The following STX11 variants were observed in gnomAD, a reference collection of about 807,000 sequenced individuals.
STX11 encodes syntaxin 11.
Under a neutral mutation model 19.9 loss-of-function variants are expected in STX11, and 21 were observed. That is an observed-to-expected ratio of 1.06 (90% CI 0.75 to 1.52). The LOEUF is 1.52. Ranked by LOEUF, STX11 falls within the 40% of genes most tolerant of loss-of-function variation. STX11 has a pLI of 0.00. For missense variants in STX11, 438 were observed against 405.9 expected (o/e 1.08, Z -0.68); for synonymous variants, 193 against 174.4 (o/e 1.11, Z -0.84).
the STX11 span, among the ~76,000 whole-genome samples, chr6:144,145,448 C>A: frequency 6.6e-6 from 1 of 152,206 alleles, no homozygotes. Flanking sequence ...GAGATTTTTG[C>A]ATGTCCCTGT....
Position 144,191,082 on chromosome 6 carries a change from C to T in STX11, c.*3591C>T, listed in dbSNP as rs568384074. On this transcript the variant is annotated 3_prime_UTR_variant, in exon 2 of 2. Transcript: ENST00000367568. ...TCTTTTAGGGTACAAAATGAAAGAA[C>T]AAATCACAAAGAACAATAGATCCTT... Among the ~76,000 whole-genome samples the T allele has an allele frequency of 2.0e-5, 3 of 151,796 alleles. No homozygotes were observed. Among genetic ancestry groups the T allele is most frequent in the South Asian group, 2.1e-4 (1 of 4,796 alleles).
chr6:144,185,467 C>T (rs1446674038), intron 1 of STX11, among the ~76,000 whole-genome samples: 1 of 152,162 alleles, frequency 6.6e-6, no homozygotes, highest in East Asian at 1.9e-4. Context: ...ATACATGCTA[C>T]TAAAAATGAA....
At position 144,174,277 on chromosome 6, in the gene STX11, C is replaced by T. The variant is rs1801718344; in HGVS notation, c.-5-12346C>T. On this transcript the variant is annotated intron_variant, in intron 1 of 1. Transcript: ENST00000367568. This position sits in a 1 kb window ranked among gnomAD's most constrained non-coding sequence, Gnocchi z 5.3. ...CTCAATGGTCAAAGCAAATCTCAGT[C>T]TCATAGCCACCCTCAGACTCAAGGA... 6.6e-6 allele frequency among the ~76,000 whole-genome samples: 1 copy of T among 152,190 alleles called. No homozygotes were observed. The highest frequency in any genetic ancestry group is 2.4e-5 in the African/African-American group (1 of 41,438).
intron 1 of STX11, among the ~76,000 whole-genome samples, chr6:144,179,966 A>C (rs984749440): frequency 7.2e-5 from 11 of 152,196 alleles, no homozygotes; most frequent in African/African-American, 2.7e-4. Context: ...CTTCTGAAAT[A>C]GCCGAATTCC....
Position 144,190,182 on chromosome 6 carries a change from T to C in STX11, c.*2691T>C, listed in dbSNP as rs1802180194. Among the ~76,000 whole-genome samples, 1 of 152,224 alleles carries C rather than the reference T, an allele frequency of 6.6e-6. No homozygotes were observed. The highest frequency in any genetic ancestry group is 1.5e-5 in the Non-Finnish European group (1 of 68,032). ...CTGCTGTTTGGGAACCATCTCAGTG[T>C]GGCGTAATGGTTAGGAGTACAGATT... On this transcript the variant is annotated 3_prime_UTR_variant, in exon 2 of 2. Transcript: ENST00000367568.
At position 144,167,092 on chromosome 6, in the gene STX11, T is replaced by G. The variant is rs1268841317; in HGVS notation, c.-6+16389T>G. On this transcript the variant is annotated intron_variant, in intron 1 of 1. Transcript: ENST00000367568. The surrounding 1 kb of genome is among the most constrained non-coding windows in gnomAD (Gnocchi z 5.0). ...TAACAGGATTGGTTCTTCTGAACAC[T>G]GTCTCTTAAGTGTTGGCAACCTTCT... Among the ~76,000 whole-genome samples, 1 of 152,200 alleles carries G rather than the reference T, an allele frequency of 6.6e-6. No individual in the cohort carries two copies. The highest frequency in any genetic ancestry group is 2.4e-5 in the African/African-American group (1 of 41,456).
chr6:144,146,554 C>A (rs924220638), upstream of STX11, among the ~76,000 whole-genome samples: 1 of 152,146 alleles, frequency 6.6e-6, no homozygotes, highest in Non-Finnish European at 1.5e-5. This position sits in a 1 kb window ranked among gnomAD's most constrained non-coding sequence, Gnocchi z 4.4. Context: ...TCAAGTGACT[C>A]GCCCGCCTCG....
chr6:144,143,456 T>C, the STX11 span, among the ~76,000 whole-genome samples: 2 of 152,136 alleles, frequency 1.3e-5, no homozygotes, highest in Non-Finnish European at 2.9e-5. Flanking sequence ...AGGGGAGCTG[T>C]AATGGAACCT....
chr6:144,187,120 C>A lies in STX11; in HGVS notation c.493C>A (p.Leu165Met). 6.2e-7 allele frequency: 1 copy of A among 1,613,986 alleles called. No homozygotes were observed. The highest frequency in any genetic ancestry group is 2.2e-5 in the East Asian group (1 of 44,884). Reference sequence around the variant, plus strand: ...CTGCAAGATCCGCATCCAGCGCCAGCTGGAGATCATGGGCAAGGAAGTCTC... The same window carrying A: ...CTGCAAGATCCGCATCCAGCGCCAGATGGAGATCATGGGCAAGGAAGTCTC... ...DNCKIRIQRQ[L>M]EIMGKEVSGD... The change falls in exon 2 of 2, where the codon CTG becomes ATG. Residue 165 changes from leucine to methionine, a missense_variant. Leu to Met is a conservative substitution (Grantham distance 15). Coordinates refer to ENST00000367568, the MANE Select transcript of STX11 (RefSeq NM_003764.4). This position sits in a 1 kb window ranked among gnomAD's most constrained non-coding sequence, Gnocchi z 5.6.
rs2128745494 is a variant in STX11, at chr6:144,150,637, G to A, written c.-72G>A. The A allele has an allele frequency of 1.0e-6, 1 of 985,424 alleles. No homozygotes were observed. The highest frequency in any genetic ancestry group is 4.7e-5 in the South Asian group (1 of 21,282). The allele number at this position is 985,424 out of a possible 1,614,324, so 61.0% of individuals were successfully genotyped here. A position where few individuals can be genotyped will look rare whatever the true frequency, so the allele number is the denominator to read the frequency against. ...AACAGGTTTCCTTCTCCATCGCTGC[G>A]CCCACAGGGGACGCGCGCCCTGCCG... On this transcript the variant is annotated 5_prime_UTR_variant, in exon 1 of 2. Transcript: ENST00000367568.
Position 144,151,274 on chromosome 6 carries a change from A to C in STX11, c.-6+571A>C. ...AGTAGTGGCAATGCCTGCGAGAGCC[A>C]CGCCGTCCTGAGAGGGAATTCTGCC... is the stretch of plus-strand genomic sequence containing the variant. On this transcript the variant is annotated intron_variant, in intron 1 of 1. Coordinates refer to ENST00000367568, the MANE Select transcript of STX11 (RefSeq NM_003764.4). This position sits in a 1 kb window ranked among gnomAD's most constrained non-coding sequence, Gnocchi z 4.6. The C allele has an allele frequency of 1.0e-6, 1 of 985,428 alleles. No homozygotes were observed. The highest frequency in any genetic ancestry group is 1.2e-6 in the Non-Finnish European group (1 of 829,918). 61.0% of individuals were successfully genotyped at this position (985,428 alleles called of 1,614,324 possible). A position where few individuals can be genotyped will look rare whatever the true frequency, so the allele number is the denominator to read the frequency against.
At chr6:144,144,912 G>A in the STX11 span, among the ~76,000 whole-genome samples, 1 of 152,216 alleles carries the variant, frequency 6.6e-6, no homozygotes, top group African/African-American at 2.4e-5. Context: ...TGGCAAGGAG[G>A]TGGAGACACT....
intron 1 of STX11, among the ~76,000 whole-genome samples, chr6:144,156,011 T>C (rs1350911705): frequency 0.014 from 1,583 of 113,848 alleles, 100 homozygotes; most frequent in African/African-American, 0.063. Flanking sequence ...TCTTTCTTTC[T>C]TTCTCTCTTT....
intron 1 of STX11, among the ~76,000 whole-genome samples, chr6:144,158,393 A>G (rs7756004): frequency 0.31 from 47,433 of 152,040 alleles, 7,983 homozygotes; most frequent in Non-Finnish European, 0.38. Context: ...GCCTTATACT[A>G]TCTTAGATAG....
Position 144,155,766 on chromosome 6 carries a change from A to G in STX11, c.-6+5063A>G, listed in dbSNP as rs1160702273. Among the ~76,000 whole-genome samples the G allele has an allele frequency of 1.3e-5, 2 of 152,138 alleles. No homozygotes were observed. Among genetic ancestry groups the G allele is most frequent in the Admixed American group, 6.5e-5 (1 of 15,284 alleles). On this transcript the variant is annotated intron_variant, in intron 1 of 1. Transcript: ENST00000367568. The surrounding 1 kb of genome is among the most constrained non-coding windows in gnomAD (Gnocchi z 4.5). ...AATAATGAAACCATCTGTCAGAGTA[A>G]GTCATTTCTTGGCCACTCCTTCTGA...
At chr6:144,149,690 G>A (rs1800943164), upstream of STX11, among the ~76,000 whole-genome samples, 1 of 152,140 alleles carries the variant, frequency 6.6e-6, no homozygotes, top group South Asian at 2.1e-4. This position sits in a 1 kb window ranked among gnomAD's most constrained non-coding sequence, Gnocchi z 5.1. Flanking sequence ...CGCTCAGGCT[G>A]GTCTCAAACT....
Position 144,187,086 on chromosome 6 carries a change from G to A in STX11, c.459G>A (p.Gln153=). ...ACTACAACCAGGCCGAGATGAAGCA[G>A]CGCGACAACTGCAAGATCCGCATCC... ...MHDYNQAEMK[Q]RDNCKIRIQR... The change falls in exon 2 of 2, where the codon CAG becomes CAA. Residue 153 remains glutamine (Q), a synonymous_variant. Transcript: ENST00000367568. This position sits in a 1 kb window ranked among gnomAD's most constrained non-coding sequence, Gnocchi z 5.6. 1.2e-6 allele frequency: 2 copies of A among 1,613,716 alleles called. No individual in the cohort carries two copies. Among genetic ancestry groups the A allele is most frequent in the Non-Finnish European group, 1.7e-6 (2 of 1,180,008 alleles).
At chr6:144,145,081 G>C in the STX11 span, among the ~76,000 whole-genome samples, 1 of 152,160 alleles carries the variant, frequency 6.6e-6, no homozygotes, top group Non-Finnish European at 1.5e-5. Flanking sequence ...GGGACTCAAA[G>C]AGATATTTGT....
At position 144,172,494 on chromosome 6, in the gene STX11, C is replaced by T. The variant is rs1411935267; in HGVS notation, c.-5-14129C>T. Among the ~76,000 whole-genome samples, 1 of 152,186 alleles carries T rather than the reference C, an allele frequency of 6.6e-6. No homozygotes were observed. The highest frequency in any genetic ancestry group is 2.1e-4 in the South Asian group (1 of 4,828). ...TCCCATCCTCTTGGTCAAAGCAAGT[C>T]TCATGGCCAAGGGTAGAGAAACTGA... is the stretch of plus-strand genomic sequence containing the variant. On this transcript the variant is annotated intron_variant, in intron 1 of 1. Transcript: ENST00000367568. The surrounding 1 kb of genome is among the most constrained non-coding windows in gnomAD (Gnocchi z 4.2).
Sources: gnomAD v4.1 joint callset for allele counts (sites outside exome capture counted in the v4.1 genomes callset) on GRCh38, gnomAD v4.1.1 for gene constraint, Gnocchi (gnomAD v3.1) non-coding constraint, MANE v1.5 for transcripts, NCBI Gene and HGNC (gene_info 2026-07-23, HGNC 2026-07-21) for gene names.